The following CAMKMT variants were observed in gnomAD, a reference collection of about 807,000 sequenced individuals.
CAMKMT encodes CaM KMT.
A neutral mutation model predicts 48.0 loss-of-function variants in CAMKMT; 53 were observed. The ratio of observed to expected loss-of-function variants is 1.10; its 90% CI spans 0.89 to 1.39. CAMKMT has a LOEUF of 1.39. Among genes scored for constraint, CAMKMT ranks in the 40% most tolerant of loss-of-function variants. CAMKMT has a pLI of 0.00. For synonymous variants in CAMKMT, 165 were observed against 152.3 expected, an observed-to-expected ratio of 1.08 and a Z score of -0.61; for missense variants, 428 against 402.7, an observed-to-expected ratio of 1.06 and a Z score of -0.54.
chr2:44,587,646 TC>T (rs1341116394), intron 3 of CAMKMT, among the ~76,000 whole-genome samples: 1,135 of 84,590 alleles, frequency 0.013, 67 homozygotes, highest in African/African-American at 0.036. Context: ...TGACTGGTTT[TC>T]CTTTTTTTTT....
chr2:44,690,997 A>G (rs538640047), intron 3 of CAMKMT, among the ~76,000 whole-genome samples: 2 of 152,224 alleles, frequency 1.3e-5, no homozygotes, highest in African/African-American at 4.8e-5. Context: ...AACAACAATA[A>G]TAATAATACT....
At chr2:44,554,454 C>T (rs115569947) in intron 3 of CAMKMT, among the ~76,000 whole-genome samples, 1,985 of 152,200 alleles carry the variant, frequency 0.013, 42 homozygotes, top group African/African-American at 0.045. Context: ...AATAAATATT[C>T]GCCGGGCACA....
intron 3 of CAMKMT, among the ~76,000 whole-genome samples, chr2:44,615,448 G>A (rs1334651568): frequency 6.6e-6 from 1 of 152,008 alleles, no homozygotes; most frequent in Non-Finnish European, 1.5e-5. Context: ...AGATTTAGAA[G>A]GAAAAAAATT....
At chr2:44,709,937 T>C (rs925448176) in intron 6 of CAMKMT, among the ~76,000 whole-genome samples, 4 of 152,090 alleles carry the variant, frequency 2.6e-5, no homozygotes, top group Admixed American at 2.0e-4. Context: ...ATCAGTGAAA[T>C]GTAATTGAAA....
chr2:44,595,289 A>G (rs1488466602), intron 3 of CAMKMT, among the ~76,000 whole-genome samples: 3 of 152,184 alleles, frequency 2.0e-5, no homozygotes, highest in African/African-American at 4.8e-5. Flanking sequence ...TGACCCAGCA[A>G]TCCCGTTACT....
At chr2:44,500,708 G>A (rs1350178194) in intron 3 of CAMKMT, among the ~76,000 whole-genome samples, 1 of 144,192 alleles carries the variant, frequency 6.9e-6, no homozygotes, top group African/African-American at 2.6e-5. Context: ...TTTTTCTGGA[G>A]TCTTGCTCTG....
chr2:44,411,023 T>C (rs1188118890), intron 3 of CAMKMT, among the ~76,000 whole-genome samples: 2 of 152,264 alleles, frequency 1.3e-5, no homozygotes, highest in African/African-American at 2.4e-5. Flanking sequence ...TGTAATCTTT[T>C]GAATACCCAT....
intron 3 of CAMKMT, among the ~76,000 whole-genome samples, chr2:44,555,897 T>C (rs1667979853): frequency 6.6e-6 from 1 of 151,916 alleles, no homozygotes; most frequent in African/African-American, 2.4e-5. Flanking sequence ...AACAAAGAGG[T>C]CATTATTGAT....
At chr2:44,766,653 T>C in intron 10 of CAMKMT, 92 bp downstream of exon 10, 1 of 1,368,438 alleles carries the variant, frequency 7.3e-7, no homozygotes, top group Non-Finnish European at 1.0e-6. Context: ...AAATATTTGA[T>C]TAAAGTACTC....
At chr2:44,560,058 T>C (rs1668241712) in intron 3 of CAMKMT, among the ~76,000 whole-genome samples, 1 of 152,224 alleles carries the variant, frequency 6.6e-6, no homozygotes, top group Non-Finnish European at 1.5e-5. Context: ...GCTTTGGCTA[T>C]TGGGAAATGT....
chr2:44,746,052 T>G (rs1474981365), intron 8 of CAMKMT, among the ~76,000 whole-genome samples: 1 of 152,196 alleles, frequency 6.6e-6, no homozygotes, highest in East Asian at 1.9e-4. Flanking sequence ...AGACGAAACC[T>G]GAAATCCTCA....
At chr2:44,629,145 G>A (rs2103961005) in intron 3 of CAMKMT, among the ~76,000 whole-genome samples, 1 of 152,168 alleles carries the variant, frequency 6.6e-6, no homozygotes, top group Non-Finnish European at 1.5e-5. Context: ...ATACGTATGT[G>A]TCTATATTTC....
chr2:44,704,859 A>C (rs1268419241), intron 4 of CAMKMT, among the ~76,000 whole-genome samples: 1 of 152,008 alleles, frequency 6.6e-6, no homozygotes, highest in Non-Finnish European at 1.5e-5. Flanking sequence ...ATAAATTACC[A>C]TTACGGATTC....
rs919934897 is a variant in CAMKMT, at chr2:44,493,363, C to G, written c.376+103058C>G. On this transcript the variant is annotated intron_variant, in intron 3 of 10. Coordinates refer to ENST00000378494, the MANE Select transcript of CAMKMT (RefSeq NM_024766.5). The stretch of plus-strand genomic sequence containing the variant: ...TATATTTGAAAACAAAGTAGCAAAA[C>G]TTTTTGTTTTTAAGTTTTAGTTCTG... Among the ~76,000 whole-genome samples, 6 of 152,106 alleles carry G rather than the reference C, an allele frequency of 3.9e-5. No homozygotes were observed. The South Asian group carries it at 8.3e-4, about 21-fold the overall frequency.
intron 6 of CAMKMT, among the ~76,000 whole-genome samples, chr2:44,712,094 T>C (rs1192318960): frequency 1.3e-5 from 2 of 152,142 alleles, no homozygotes. Flanking sequence ...ATCTTCTCAA[T>C]TCATATGAGT....
Position 44,763,924 on chromosome 2 carries a change from A to G in CAMKMT, c.763-2506A>G, listed in dbSNP as rs961311916. On this transcript the variant is annotated intron_variant, in intron 9 of 10. Coordinates refer to ENST00000378494, the MANE Select transcript of CAMKMT (RefSeq NM_024766.5). ...ACTCTTCAAGTGTTACTGTGAGACA[A>G]TTTTTTGCAGGTGACTTTTAAATAA... 7.2e-5 allele frequency among the ~76,000 whole-genome samples: 11 copies of G among 152,110 alleles called. No individual in the cohort carries two copies. The East Asian group carries it at 7.7e-4, about 11-fold the overall frequency.
chr2:44,704,215 T>C (rs1230872957), intron 3 of CAMKMT, 68 bp from the exon 4 acceptor site: 2 of 1,318,312 alleles, frequency 1.5e-6, no homozygotes, highest in Non-Finnish European at 2.1e-6. Flanking sequence ...CTGAACATTA[T>C]TTTTAAAAGC....
intron 6 of CAMKMT, among the ~76,000 whole-genome samples, chr2:44,707,897 T>A (rs1677649973): frequency 6.6e-6 from 1 of 152,204 alleles, no homozygotes; most frequent in Non-Finnish European, 1.5e-5. Flanking sequence ...TGTATAATAT[T>A]GTGCCTGGTC....
At chr2:44,645,867 C>A (rs1269306621) in intron 3 of CAMKMT, among the ~76,000 whole-genome samples, 1 of 152,142 alleles carries the variant, frequency 6.6e-6, no homozygotes, top group Non-Finnish European at 1.5e-5. Context: ...GATAATCATT[C>A]CCAAATACTC....
Sources: allele counts gnomAD v4.1 joint callset (sites outside exome capture counted in the v4.1 genomes callset), GRCh38; gene constraint gnomAD v4.1.1; transcripts MANE v1.5; gene names NCBI Gene and HGNC (gene_info 2026-07-23, HGNC 2026-07-21).